DMD: variants seen among roughly 807,000 people sequenced by gnomAD.
The protein encoded by DMD is mutant dystrophin.
DMD carries 63 observed loss-of-function variants against 330.1 expected under a neutral mutation model. The ratio of observed to expected loss-of-function variants is 0.19; its 90% CI spans 0.16 to 0.24. DMD has a LOEUF of 0.24. Among genes scored for constraint, DMD ranks in the 10% least tolerant of loss-of-function variants. The probability of loss-of-function intolerance (pLI) is 1.00; values close to 1 mark genes in which losing one functional copy is unlikely to be tolerated. For synonymous variants in DMD, 1,223 were observed against 959.8 expected (o/e 1.27, Z -5.07); for missense variants, 3,344 against 2,684.1 (o/e 1.25, Z -5.43).
intron 2 of DMD, among the ~76,000 whole-genome samples, chrX:32,880,335 GTCTGCCT>G (rs1355265873): frequency 2.8e-5 from 3 of 105,607 alleles, no homozygotes; most frequent in Non-Finnish European, 5.8e-5. Flanking sequence ...CTAACTGATT[GTCTGCCT>G]ATAAAAGATG....
At chrX:31,736,419 T>C (rs184468791) in intron 51 of DMD, among the ~76,000 whole-genome samples, 14 of 110,794 alleles carry the variant, frequency 1.3e-4, no homozygotes, top group Non-Finnish European at 1.5e-4. Context: ...GAGGAAGAAA[T>C]TGGAGATAAA....
At chrX:32,471,778 G>A (rs777982384) in intron 22 of DMD, among the ~76,000 whole-genome samples, 4 of 111,721 alleles carry the variant, frequency 3.6e-5, no homozygotes, top group Non-Finnish European at 5.6e-5. Flanking sequence ...CCATGGATAC[G>A]AAGGGATGAC....
intron 50 of DMD, among the ~76,000 whole-genome samples, chrX:31,778,171 A>G: frequency 8.9e-6 from 1 of 112,602 alleles, no homozygotes; most frequent in Middle Eastern, 4.6e-3. Flanking sequence ...TATCTCCATG[A>G]GGAACAGAAT....
rs1021889691 is a variant in DMD, at chrX:31,815,937, T to C, written c.7309+4038A>G. On this transcript the variant is annotated intron_variant, in intron 50 of 78. Transcript: ENST00000357033. ...GCCTACAGGATGATGAGTGGCCTTATGAAGAATCAAGGTTCTGCAACCAAC... is the reference window on the plus strand; with the variant it reads ...GCCTACAGGATGATGAGTGGCCTTACGAAGAATCAAGGTTCTGCAACCAAC... 6.2e-5 allele frequency among the ~76,000 whole-genome samples: 7 copies of C among 112,034 alleles called. No homozygotes were observed. In the East Asian group the frequency reaches 1.1e-3, roughly 18 times the overall value.
chrX:31,390,280 G>A (rs2060631600), intron 60 of DMD, among the ~76,000 whole-genome samples: 1 of 109,213 alleles, frequency 9.2e-6, no homozygotes. Context: ...TTTTCTTGAA[G>A]TTTATCAAGG....
intron 41 of DMD, among the ~76,000 whole-genome samples, chrX:32,312,125 G>C (rs1157953888): frequency 9.0e-6 from 1 of 111,316 alleles, no homozygotes; most frequent in African/African-American, 3.3e-5. Context: ...AACAGAGTAA[G>C]TAGAAGACAA....
intron 62 of DMD, among the ~76,000 whole-genome samples, chrX:31,284,250 C>T (rs1481762158): frequency 9.0e-6 from 1 of 111,447 alleles, no homozygotes; most frequent in Non-Finnish European, 1.9e-5. Flanking sequence ...ATCCTAAATC[C>T]AACCATTGTA....
chrX:32,346,692 C>T (rs929721349), intron 38 of DMD, among the ~76,000 whole-genome samples: 3 of 111,510 alleles, frequency 2.7e-5, no homozygotes, highest in African/African-American at 9.7e-5. Flanking sequence ...GTCATATATG[C>T]ATGTTAATTT....
intron 62 of DMD, among the ~76,000 whole-genome samples, chrX:31,302,768 GATCAAGC>G (rs1475747610): frequency 9.0e-6 from 1 of 110,955 alleles, no homozygotes; most frequent in Non-Finnish European, 1.9e-5. Context: ...CAATTATGCT[GATCAAGC>G]ATAAAGAACT....
intron 4 of DMD, among the ~76,000 whole-genome samples, chrX:32,844,057 G>C (rs1281054763): frequency 1.8e-5 from 2 of 111,967 alleles, no homozygotes; most frequent in Non-Finnish European, 3.8e-5. Flanking sequence ...AACACATTTA[G>C]TACATAAATA....
At chrX:32,708,482 G>C (rs2064889018) in intron 7 of DMD, among the ~76,000 whole-genome samples, 1 of 110,946 alleles carries the variant, frequency 9.0e-6, no homozygotes, top group African/African-American at 3.3e-5. Flanking sequence ...CAAATAATTA[G>C]GGATGATGTT....
At chrX:31,668,533 A>T (rs1386167849) in intron 53 of DMD, among the ~76,000 whole-genome samples, 3 of 110,981 alleles carry the variant, frequency 2.7e-5, no homozygotes, top group Non-Finnish European at 3.8e-5. Context: ...GTATGTTCTG[A>T]TATATGTATA....
rs771147632 is a variant in DMD at position 32,507,660 on chromosome X, G to A, written c.2293-5818C>T. On this transcript the variant is annotated intron_variant, in intron 18 of 78. Coordinates refer to ENST00000357033, the MANE Select transcript of DMD (RefSeq NM_004006.3). ...TTACTTTCCCATTTTGACAGAGGAG[G>A]GAAGTGAGGCACAGAGAGGTTTGTG... Among the ~76,000 whole-genome samples the A allele has an allele frequency of 9.9e-5, 11 of 111,577 alleles. No homozygotes were observed. In the East Asian group the frequency reaches 3.1e-3, roughly 31 times the overall value.
At chrX:32,401,455 G>A (rs1247838555) in intron 30 of DMD, among the ~76,000 whole-genome samples, 2 of 111,749 alleles carry the variant, frequency 1.8e-5, no homozygotes, top group Admixed American at 1.9e-4. Flanking sequence ...AGTGAAATAA[G>A]CCAGTCACAG....
At chrX:32,998,648 T>TAC (rs1463565196) in intron 2 of DMD, among the ~76,000 whole-genome samples, 4 of 85,641 alleles carry the variant, frequency 4.7e-5, no homozygotes, top group African/African-American at 7.2e-5. Context: ...TATATGTTTA[T>TAC]ATACACACAC....
At chrX:31,624,008 C>T (rs1400446299) in intron 55 of DMD, among the ~76,000 whole-genome samples, 1 of 111,148 alleles carries the variant, frequency 9.0e-6, no homozygotes, top group Non-Finnish European at 1.9e-5. Context: ...GTTAGTTACC[C>T]AGGGTTTTAT....
intron 63 of DMD, among the ~76,000 whole-genome samples, chrX:31,229,515 G>T (rs1248076362): frequency 1.8e-5 from 2 of 111,888 alleles, no homozygotes; most frequent in Non-Finnish European, 3.8e-5. Flanking sequence ...ACGGCTAAAT[G>T]ATTATTCCAA....
chrX:33,336,159 T>C (rs1205994122), intron 1 of DMD, among the ~76,000 whole-genome samples: 1 of 110,817 alleles, frequency 9.0e-6, no homozygotes, highest in East Asian at 2.8e-4. Flanking sequence ...TTCCTTCCTA[T>C]TTTTCACTTT....
chrX:33,013,630 AAT>A (rs2093742454), intron 2 of DMD, among the ~76,000 whole-genome samples: 1 of 112,476 alleles, frequency 8.9e-6, no homozygotes, highest in Non-Finnish European at 1.9e-5. Flanking sequence ...CACATTGCAC[AAT>A]AGTTATATAT....
Sources: gnomAD v4.1 joint callset for allele counts (sites outside exome capture counted in the v4.1 genomes callset) on GRCh38, gnomAD v4.1.1 for gene constraint, MANE v1.5 for transcripts, NCBI Gene and HGNC (gene_info 2026-07-23, HGNC 2026-07-21) for gene names.